The following EPHB1 variants were observed in gnomAD, a reference collection of about 807,000 sequenced individuals.
EPHB1 encodes EPH receptor B1.
Under a neutral mutation model 94.4 loss-of-function variants are expected in EPHB1, and 30 were observed. That is an observed-to-expected ratio of 0.32 (90% CI 0.24 to 0.43). The LOEUF is 0.43. EPHB1 is among the 20% of genes least tolerant of loss of function. The pLI is 1.00. For synonymous variants in EPHB1, 522 were observed against 489.1 expected, an observed-to-expected ratio of 1.07 and a Z score of -0.89; for missense variants, 1,055 against 1,308.3, an observed-to-expected ratio of 0.81 and a Z score of 2.99.
At chr3:134,887,499 T>G (rs1308147949) in intron 1 of EPHB1, among the ~76,000 whole-genome samples, 2 of 152,328 alleles carry the variant, frequency 1.3e-5, no homozygotes, top group South Asian at 4.1e-4. Flanking sequence ...ATTATAACCA[T>G]CTACCATGAT....
At chr3:134,959,967 T>G (rs1392679017) in intron 3 of EPHB1, among the ~76,000 whole-genome samples, 2 of 11,284 alleles carry the variant, frequency 1.8e-4, no homozygotes, top group South Asian at 4.4e-3. Flanking sequence ...CATCTGCACC[T>G]TTTTTTTTTT....
intron 3 of EPHB1, among the ~76,000 whole-genome samples, chr3:135,071,541 G>C (rs1385020884): frequency 2.0e-5 from 3 of 152,190 alleles, no homozygotes; most frequent in Non-Finnish European, 2.9e-5. Context: ...ACTAGGATGT[G>C]TGAAGTCTTA....
chr3:135,028,956 A>T (rs1401516029), intron 3 of EPHB1, among the ~76,000 whole-genome samples: 1 of 132,552 alleles, frequency 7.5e-6, no homozygotes, highest in Non-Finnish European at 1.6e-5. Flanking sequence ...TTTTTGTTGA[A>T]TTGATCCCTT....
At chr3:135,061,297 G>T (rs984221597) in intron 3 of EPHB1, among the ~76,000 whole-genome samples, 3 of 151,496 alleles carry the variant, frequency 2.0e-5, no homozygotes, top group Non-Finnish European at 4.4e-5. Flanking sequence ...TTACCCACAA[G>T]TCCCCAAAGT....
At chr3:134,835,533 T>C (rs1171060480) in intron 1 of EPHB1, among the ~76,000 whole-genome samples, 1 of 152,164 alleles carries the variant, frequency 6.6e-6, no homozygotes, top group Non-Finnish European at 1.5e-5. Context: ...CCCCCAGTTA[T>C]AGGTAAGGAC....
chr3:135,100,975 A>C (rs186517811), intron 3 of EPHB1, among the ~76,000 whole-genome samples: 1 of 152,224 alleles, frequency 6.6e-6, no homozygotes, highest in East Asian at 1.9e-4. Flanking sequence ...GGGTGCCATC[A>C]AAAAGCCTCG....
At chr3:134,905,430 G>T (rs2038302399) in intron 1 of EPHB1, among the ~76,000 whole-genome samples, 1 of 152,230 alleles carries the variant, frequency 6.6e-6, no homozygotes, top group Admixed American at 6.5e-5. Flanking sequence ...CATTTCTCTT[G>T]TCATTCCCGG....
At chr3:135,228,646 T>A (rs1943458086) in intron 12 of EPHB1, among the ~76,000 whole-genome samples, 1 of 152,168 alleles carries the variant, frequency 6.6e-6, no homozygotes, top group African/African-American at 2.4e-5. Context: ...TTCTTATCTC[T>A]CAACCAACGT....
At chr3:134,960,379 A>G (rs938542609) in intron 3 of EPHB1, among the ~76,000 whole-genome samples, 1 of 152,172 alleles carries the variant, frequency 6.6e-6, no homozygotes, top group African/African-American at 2.4e-5. Flanking sequence ...CAGGCTGTAA[A>G]TGTTCAGGCT....
intron 1 of EPHB1, among the ~76,000 whole-genome samples, chr3:134,882,406 T>C (rs2037748839): frequency 6.6e-6 from 1 of 152,236 alleles, no homozygotes; most frequent in Admixed American, 6.5e-5. Flanking sequence ...CTTCTTCTAT[T>C]GAAATTACAG....
chr3:135,030,129 A>T (rs1936380043), intron 3 of EPHB1, among the ~76,000 whole-genome samples: 1 of 151,088 alleles, frequency 6.6e-6, no homozygotes, highest in South Asian at 2.1e-4. Context: ...ATTCTTCTAA[A>T]TTTTTTTCAA....
At chr3:135,225,528 C>G (rs1318332685) in intron 12 of EPHB1, among the ~76,000 whole-genome samples, 1 of 152,146 alleles carries the variant, frequency 6.6e-6, no homozygotes, top group South Asian at 2.1e-4. Flanking sequence ...GTTCATTAGC[C>G]TCATATAAAA....
At chr3:135,001,047 C>A (rs180823101) in intron 3 of EPHB1, among the ~76,000 whole-genome samples, 4 of 152,254 alleles carry the variant, frequency 2.6e-5, no homozygotes, top group East Asian at 3.9e-4. Flanking sequence ...GAGCAGACAC[C>A]TTTTCCATGT....
At chr3:134,967,245 G>T (rs1431055375) in intron 3 of EPHB1, among the ~76,000 whole-genome samples, 1 of 152,194 alleles carries the variant, frequency 6.6e-6, no homozygotes, top group Non-Finnish European at 1.5e-5. Context: ...AAATGAAAAT[G>T]GAGTGGTGGA....
intron 5 of EPHB1, among the ~76,000 whole-genome samples, chr3:135,140,595 C>G (rs1202369721): frequency 6.6e-6 from 1 of 152,148 alleles, no homozygotes; most frequent in East Asian, 1.9e-4. Flanking sequence ...TGCAGTTACC[C>G]CTTACATTCT....
chr3:134,964,729 T>C (rs1396218159), intron 3 of EPHB1, among the ~76,000 whole-genome samples: 1 of 152,198 alleles, frequency 6.6e-6, no homozygotes, highest in Non-Finnish European at 1.5e-5. Context: ...CCTCTGCATC[T>C]TTGGTCAAAT....
intron 5 of EPHB1, among the ~76,000 whole-genome samples, chr3:135,153,866 CTTGTT>C (rs1434355689): frequency 6.6e-6 from 1 of 152,204 alleles, no homozygotes; most frequent in Non-Finnish European, 1.5e-5. Flanking sequence ...CCAACTGTCT[CTTGTT>C]TTGGTCAAGC....
intron 1 of EPHB1, among the ~76,000 whole-genome samples, chr3:134,902,698 A>C (rs771939645): frequency 1.8e-4 from 27 of 152,054 alleles, no homozygotes; most frequent in African/African-American, 6.0e-4. Flanking sequence ...ATTATTTGAT[A>C]TTTTTGCCAA....
intron 1 of EPHB1, among the ~76,000 whole-genome samples, chr3:134,921,881 G>A (rs2038694126): frequency 6.6e-6 from 1 of 152,208 alleles, no homozygotes; most frequent in South Asian, 2.1e-4. Context: ...GATGGAGAGA[G>A]ACAGAGGGAG....
Sources: gnomAD v4.1 joint callset for allele counts (sites outside exome capture counted in the v4.1 genomes callset) on GRCh38, gnomAD v4.1.1 for gene constraint, MANE v1.5 for transcripts, NCBI Gene and HGNC (gene_info 2026-07-23, HGNC 2026-07-21) for gene names.